Variants in SLC2A13 observed in about 807,000 individuals in gnomAD.
SLC2A13 encodes proton myo-inositol cotransporter.
Under a neutral mutation model 64.4 loss-of-function variants are expected in SLC2A13, and 32 were observed. The ratio of observed to expected loss-of-function variants is 0.50; its 90% CI spans 0.37 to 0.67. The LOEUF is 0.67. Ranked by LOEUF, SLC2A13 falls within the 30% of genes least tolerant of loss-of-function variation. The probability of loss-of-function intolerance (pLI) is 0.00; values close to 1 mark genes in which losing one functional copy is unlikely to be tolerated. For missense variants in SLC2A13, 743 were observed against 829.2 expected (o/e 0.90, Z 1.28); for synonymous variants, 338 against 327.1 (o/e 1.03, Z -0.36).
rs1419463656 is a variant in SLC2A13 at position 39,979,604 on chromosome 12, G to C, written c.926-28239C>G. ...GAAGATGAAATGAATGAAATGAAGC[G>C]AGAAGGGAAGTTTAGAGAAAAAAGA... On this transcript the variant is annotated intron_variant, in intron 3 of 9. Coordinates refer to ENST00000280871, the MANE Select transcript of SLC2A13 (RefSeq NM_052885.4). Among the ~76,000 whole-genome samples, 4 of 143,668 alleles carry C rather than the reference G, an allele frequency of 2.8e-5. No individual in the cohort carries two copies. The South Asian group carries it at 7.1e-4, about 25-fold the overall frequency. 94.3% of individuals were successfully genotyped at this position (143,668 alleles called of 152,430 possible).
At position 40,047,941 on chromosome 12, in the gene SLC2A13, G is replaced by A. The variant is rs1399968128; in HGVS notation, c.716+110C>T. The A allele has an allele frequency of 1.1e-5, 11 of 1,003,138 alleles. No homozygotes were observed. In the African/African-American group the frequency reaches 1.6e-4, roughly 15 times the overall value. 62.1% of individuals were successfully genotyped at this position (1,003,138 alleles called of 1,614,324 possible). On this transcript the variant is annotated intron_variant, in intron 2 of 9. Coordinates refer to ENST00000280871, the MANE Select transcript of SLC2A13 (RefSeq NM_052885.4). The stretch of plus-strand genomic sequence containing the variant: ...CTGAATGTCACCTACTTATAAATTA[G>A]CAATAATGATTCAAAACACACAGCT...
chr12:40,008,708 G>T (rs1006643918), intron 3 of SLC2A13, among the ~76,000 whole-genome samples: 1 of 151,674 alleles, frequency 6.6e-6, no homozygotes, highest in African/African-American at 2.4e-5. Context: ...GTTGTGATTC[G>T]ATGACTTCCA....
At chr12:40,098,226 T>C (rs1939028678) in intron 1 of SLC2A13, among the ~76,000 whole-genome samples, 1 of 151,982 alleles carries the variant, frequency 6.6e-6, no homozygotes, top group South Asian at 2.1e-4. Context: ...GAACCTCAAG[T>C]GAAGTAAGCC....
intron 6 of SLC2A13, among the ~76,000 whole-genome samples, chr12:39,838,494 A>G (rs1162379926): frequency 1.7e-5 from 2 of 115,090 alleles, no homozygotes; most frequent in Non-Finnish European, 3.5e-5. Context: ...AGTATAATAA[A>G]AAAAAATAAA....
intron 6 of SLC2A13, among the ~76,000 whole-genome samples, chr12:39,849,356 C>T (rs1943404262): frequency 6.6e-6 from 1 of 152,034 alleles, no homozygotes; most frequent in Non-Finnish European, 1.5e-5. Flanking sequence ...TGAAAGGTGA[C>T]CTAAAAGTCT....
chr12:39,775,953 T>C (rs528417395), intron 7 of SLC2A13, among the ~76,000 whole-genome samples: 1 of 152,296 alleles, frequency 6.6e-6, no homozygotes, highest in Non-Finnish European at 1.5e-5. Flanking sequence ...ATGTCAGCAC[T>C]CAAAAAGCTT....
intron 3 of SLC2A13, among the ~76,000 whole-genome samples, chr12:39,993,602 G>A (rs1341626381): frequency 6.6e-6 from 1 of 152,230 alleles, no homozygotes; most frequent in Non-Finnish European, 1.5e-5. Flanking sequence ...TTAGAAGACT[G>A]AAGATTACAT....
intron 4 of SLC2A13, among the ~76,000 whole-genome samples, chr12:39,902,085 C>G (rs56719550): frequency 0.038 from 5,681 of 150,854 alleles, 397 homozygotes; most frequent in East Asian, 0.34. Flanking sequence ...AGCAAAGTAT[C>G]GCAAGGACAA....
In SLC2A13 at chr12:40,106,064, T is replaced by C. The variant is rs982224503; in HGVS notation, c.-256A>G. 11 of 338,804 alleles carry C rather than the reference T, an allele frequency of 3.2e-5. No homozygotes were observed. The highest frequency in any genetic ancestry group is 8.1e-4 in the Middle Eastern group (1 of 1,230). 21.0% of individuals were successfully genotyped at this position (338,804 alleles called of 1,614,324 possible). A position where few individuals can be genotyped will look rare whatever the true frequency, so the allele number is the denominator to read the frequency against. Reference sequence around the variant, plus strand: ...CACTCACGCCCCGCGCCTGCCGAGCTGGCGCTGCGGAGCGGGCGGGAGGCG... The same window carrying C: ...CACTCACGCCCCGCGCCTGCCGAGCCGGCGCTGCGGAGCGGGCGGGAGGCG... On this transcript the variant is annotated 5_prime_UTR_variant, in exon 1 of 10. Transcript: ENST00000280871.
At chr12:39,856,638 A>G (rs1388518318) in intron 6 of SLC2A13, among the ~76,000 whole-genome samples, 3 of 152,184 alleles carry the variant, frequency 2.0e-5, no homozygotes, top group Non-Finnish European at 4.4e-5. Context: ...AAGTGCTGGG[A>G]TTACAGGCAT....
In SLC2A13 at chr12:39,816,472, CTAATG is replaced by C. The variant is rs1395155474; in HGVS notation, c.1445+13626_1445+13630del. 2.0e-5 allele frequency among the ~76,000 whole-genome samples: 3 copies of C among 150,420 alleles called. No homozygotes were observed. In the East Asian group the frequency reaches 5.9e-4, roughly 29 times the overall value. On this transcript the variant is annotated intron_variant, in intron 7 of 9. Coordinates refer to ENST00000280871, the MANE Select transcript of SLC2A13 (RefSeq NM_052885.4). ...GGAGGGATAGCATTAGGAGATATAC[CTAATG>C]TAAATGACGAGTTAATGGGTGCAGC...
chr12:39,810,833 G>A (rs1942135114), intron 7 of SLC2A13, among the ~76,000 whole-genome samples: 1 of 152,012 alleles, frequency 6.6e-6, no homozygotes, highest in Non-Finnish European at 1.5e-5. Context: ...GATTCAATTT[G>A]AGAATTTTTC....
intron 3 of SLC2A13, among the ~76,000 whole-genome samples, chr12:39,980,314 C>G (rs562451739): frequency 6.6e-6 from 1 of 151,982 alleles, no homozygotes; most frequent in Non-Finnish European, 1.5e-5. Flanking sequence ...ATCAAATTCA[C>G]ACATAACAAT....
intron 4 of SLC2A13, among the ~76,000 whole-genome samples, chr12:39,889,813 A>AT (rs1944559667): frequency 2.6e-5 from 4 of 152,132 alleles, no homozygotes; most frequent in Admixed American, 2.6e-4. Context: ...TACAGGTGTG[A>AT]GCCACCAGGC....
At chr12:39,905,751 C>T (rs1592271255) in intron 4 of SLC2A13, among the ~76,000 whole-genome samples, 2 of 148,074 alleles carry the variant, frequency 1.4e-5, no homozygotes, top group Admixed American at 1.3e-4. Flanking sequence ...ATCTTTTTAA[C>T]CTAAAGAAAA....
chr12:39,880,673 C>G (rs969514565), intron 4 of SLC2A13, among the ~76,000 whole-genome samples: 1 of 152,076 alleles, frequency 6.6e-6, no homozygotes, highest in African/African-American at 2.4e-5. Context: ...AGAAAATGTG[C>G]CAATGGAACT....
At chr12:39,821,859 C>A (rs77755550) in intron 7 of SLC2A13, among the ~76,000 whole-genome samples, 1 of 151,968 alleles carries the variant, frequency 6.6e-6, no homozygotes, top group Non-Finnish European at 1.5e-5. Flanking sequence ...ATAATACAAT[C>A]GATCACACGT....
intron 3 of SLC2A13, among the ~76,000 whole-genome samples, chr12:39,973,255 C>G (rs12827948): frequency 0.2 from 30,947 of 152,112 alleles, 3,386 homozygotes; most frequent in Admixed American, 0.24. Context: ...CTAAACTAAG[C>G]GCAGCATTGG....
At position 39,755,804 on chromosome 12, in the gene SLC2A13, A is replaced by G. The variant is rs1438201847; in HGVS notation, c.*4222T>C. ...ACAACAGACTATATATTTTGTACATATAAAGATTTACATAAATTATATTGT... is the reference window on the plus strand; with the variant it reads ...ACAACAGACTATATATTTTGTACATGTAAAGATTTACATAAATTATATTGT... On this transcript the variant is annotated 3_prime_UTR_variant, in exon 10 of 10. Transcript: ENST00000280871. The G allele has an allele frequency of 2.0e-5, 3 of 152,236 alleles. No individual in the cohort carries two copies. The highest frequency in any genetic ancestry group is 4.1e-4 in the South Asian group (2 of 4,828). 9.4% of individuals were successfully genotyped at this position (152,236 alleles called of 1,614,324 possible).
Sources: gnomAD v4.1 joint callset for allele counts (sites outside exome capture counted in the v4.1 genomes callset) on GRCh38, gnomAD v4.1.1 for gene constraint, MANE v1.5 for transcripts, NCBI Gene and HGNC (gene_info 2026-07-23, HGNC 2026-07-21) for gene names.